Variants in TMPRSS9 observed in about 807,000 individuals in gnomAD.
The protein encoded by TMPRSS9 is transmembrane serine protease 9, also known as transmembrane protease serine 9.
Under a neutral mutation model 111.4 loss-of-function variants are expected in TMPRSS9, and 113 were observed. The observed-to-expected ratio is 1.01, with a 90% CI of 0.87 to 1.19. The LOEUF (loss-of-function observed/expected upper bound fraction) is 1.19, where lower values mean the gene tolerates loss of function less well. Ranked by LOEUF, TMPRSS9 falls within the 50% of genes most tolerant of loss-of-function variation. The probability of loss-of-function intolerance (pLI) is 0.00; values close to 1 mark genes in which losing one functional copy is unlikely to be tolerated. For missense variants in TMPRSS9, 1,803 were observed against 1,513.1 expected (o/e 1.19, Z -3.18); for synonymous variants, 805 against 659.1 (o/e 1.22, Z -3.39).
chr19:2,418,333 T>G (rs1179563285), intron 13 of TMPRSS9, among the ~76,000 whole-genome samples, 195 bp downstream of exon 14: 18 of 35,738 alleles, frequency 5.0e-4, no homozygotes, highest in South Asian at 1.3e-3. Flanking sequence ...CTCCCTCCCT[T>G]TCCTTCCCTC....
chr19:2,361,919 A>G (rs1278983826), intron 1 of TMPRSS9, among the ~76,000 whole-genome samples: 1 of 151,852 alleles, frequency 6.6e-6, no homozygotes, highest in African/African-American at 2.4e-5. Context: ...TGGCTTCCTG[A>G]CGCCTTCCTG....
intron 13 of TMPRSS9, 26 bp from the exon 15 acceptor site, chr19:2,421,828 A>C (rs772200383): frequency 2.6e-6 from 4 of 1,565,514 alleles, no homozygotes; most frequent in African/African-American, 1.4e-5. Flanking sequence ...TGGAGGACCA[A>C]CCAGTGCTCT....
At chr19:2,377,017 C>T (rs982683463) in intron 1 of TMPRSS9, among the ~76,000 whole-genome samples, 14 of 151,710 alleles carry the variant, frequency 9.2e-5, no homozygotes, top group African/African-American at 3.2e-4. Flanking sequence ...GGAGTGGCCA[C>T]GGGTGGGCGG....
chr19:2,401,102 G>A (rs758234913), intron 4 of TMPRSS9, among the ~76,000 whole-genome samples: 15 of 145,030 alleles, frequency 1.0e-4, no homozygotes, highest in South Asian at 4.5e-4. Context: ...GTGAAACCCC[G>A]TCTCTACTAA....
In TMPRSS9 at chr19:2,405,328, G is replaced by A. The variant is rs773186322; in HGVS notation, c.671-46G>A. 1.7e-5 allele frequency: 26 copies of A among 1,539,660 alleles called. No homozygotes were observed. The South Asian group carries it at 1.7e-4, about 10-fold the overall frequency. On this transcript the variant is annotated intron_variant, in intron 6 of 17. Transcript: ENST00000648592. The stretch of plus-strand genomic sequence containing the variant: ...TGCATGTTCTGGGAGTTCAGGGTGA[G>A]GTCCTGCCTTCGTGGGGTCATGGCT...
chr19:2,379,615 C>CTCTTTCTTTCTTTCTTTCTATCTA (rs1555676515), intron 1 of TMPRSS9, among the ~76,000 whole-genome samples: 8 of 118,510 alleles, frequency 6.8e-5, no homozygotes, highest in African/African-American at 2.2e-4. Context: ...AACTTTCTTT[C>CTCTTTCTTTCTTTCTTTCTATCTA]TCTTTCTTTC....
chr19:2,425,152 G>T, exon 16 of TMPRSS9: 6 of 1,574,830 alleles, frequency 3.8e-6, no homozygotes, highest in Non-Finnish European at 5.1e-6. Context: ...TGGAGCTGGC[G>T]GGGCCGGTGC....
chr19:2,382,086 T>C (rs1303666617), intron 1 of TMPRSS9, among the ~76,000 whole-genome samples: 1 of 152,138 alleles, frequency 6.6e-6, no homozygotes, highest in Non-Finnish European at 1.5e-5. Context: ...GGTGATCCAC[T>C]TGCCTCAGCC....
intron 1 of TMPRSS9, among the ~76,000 whole-genome samples, chr19:2,372,626 C>G (rs1247082207): frequency 6.6e-6 from 1 of 152,166 alleles, no homozygotes; most frequent in African/African-American, 2.4e-5. Context: ...AAAACGCTCG[C>G]TTGTCTGAGA....
chr19:2,403,947 C>T (rs538959056), intron 6 of TMPRSS9, among the ~76,000 whole-genome samples: 2 of 143,352 alleles, frequency 1.4e-5, no homozygotes, highest in Non-Finnish European at 3.0e-5. Context: ...GAGCCAAGAT[C>T]ACGCCACTGC....
At chr19:2,390,243 G>GTTT (rs1242619162) in intron 1 of TMPRSS9, among the ~76,000 whole-genome samples, 1 of 129,014 alleles carries the variant, frequency 7.8e-6, no homozygotes, top group Non-Finnish European at 1.6e-5. Flanking sequence ...TTTTTTTTTT[G>GTTT]TTTTTTTTTT....
chr19:2,425,356 G>A lies in TMPRSS9; in HGVS notation c.2984-1G>A, dbSNP rs1328283586. On this transcript the variant is annotated splice_acceptor_variant, in intron 16 of 17. Transcript: ENST00000648592. LOFTEE classifies it high-confidence loss of function. Reference sequence around the variant, plus strand: ...GCCCCGTCTCGCTCGCCCGCCCGCAGGCTCCATGGCGCGGCAGCTGCAGAA... The same window carrying A: ...GCCCCGTCTCGCTCGCCCGCCCGCAAGCTCCATGGCGCGGCAGCTGCAGAA... 13 of 1,499,366 alleles carry A rather than the reference G, an allele frequency of 8.7e-6. No homozygotes were observed. Among genetic ancestry groups the A allele is most frequent in the East Asian group, 2.8e-5 (1 of 35,830 alleles). 92.9% of individuals were successfully genotyped at this position (1,499,366 alleles called of 1,614,324 possible).
At chr19:2,408,795 T>G (rs1971027225) in intron 8 of TMPRSS9, among the ~76,000 whole-genome samples, 165 bp downstream of exon 9, 1 of 146,952 alleles carries the variant, frequency 6.8e-6, no homozygotes, top group Non-Finnish European at 1.5e-5. Flanking sequence ...GCCAACATAG[T>G]GAAAACCCGT....
At chr19:2,408,397 C>T (rs751618498) in exon 8 of TMPRSS9, 2 of 1,613,878 alleles carry the variant, frequency 1.2e-6, no homozygotes, top group South Asian at 1.1e-5. Context: ...GTGGGTGCGA[C>T]CTACCTCAGC....
At chr19:2,409,229 C>T (rs999896195) in intron 8 of TMPRSS9, among the ~76,000 whole-genome samples, 5 of 150,412 alleles carry the variant, frequency 3.3e-5, no homozygotes, top group African/African-American at 1.2e-4. Flanking sequence ...CAGCCTCCGC[C>T]TCCGGGTTCA....
Position 2,413,785 on chromosome 19 carries a change from C to T in TMPRSS9, c.1340C>T (p.Ala447Val), listed in dbSNP as rs200337763. The change falls in exon 10 of 18, where the codon GCG becomes GTG. Residue 447 changes from alanine (A) to valine (V), a missense_variant. Ala to Val is a moderately conservative substitution (Grantham distance 64). Coordinates refer to ENST00000648592, the Ensembl canonical transcript of TMPRSS9. The stretch of plus-strand genomic sequence containing the variant: ...ATCGTGAGCTGGGGAATCGGGTGTG[C>T]GGAAGCCCGGCGTCCAGGGGTCTAT... 1.5e-5 allele frequency: 25 copies of T among 1,613,822 alleles called. 1 individual carries two copies. The highest frequency in any genetic ancestry group is 6.6e-5 in the South Asian group (6 of 91,090).
exon 2 of TMPRSS9, chr19:2,396,621 G>C: frequency 6.2e-7 from 1 of 1,603,446 alleles, no homozygotes; most frequent in Non-Finnish European, 8.5e-7. Context: ...TGCGGCGGGA[G>C]ACCTCGGACT....
chr19:2,408,536 C>T (rs528292258), exon 8 of TMPRSS9: 3 of 1,613,786 alleles, frequency 1.9e-6, no homozygotes, highest in East Asian at 2.2e-5. Flanking sequence ...TCGGCCGGCA[C>T]ATCCAGCCCG....
exon 15 of TMPRSS9, chr19:2,424,168 G>C: frequency 6.8e-7 from 1 of 1,468,248 alleles, no homozygotes; most frequent in Non-Finnish European, 9.0e-7. Context: ...CGTGGCAGGT[G>C]AGCCTGTGGC....
Sources: gnomAD v4.1 joint callset for allele counts (sites outside exome capture counted in the v4.1 genomes callset) on GRCh38, gnomAD v4.1.1 for gene constraint, MANE v1.5 for transcripts, NCBI Gene and HGNC (gene_info 2026-07-23, HGNC 2026-07-21) for gene names.